Variants in WDR43 observed in about 807,000 individuals in gnomAD.
WDR43 encodes WD repeat domain 43.
Under a neutral mutation model 91.4 loss-of-function variants are expected in WDR43, and 13 were observed. The observed-to-expected ratio is 0.14, with a 90% CI of 0.09 to 0.23. WDR43 has a LOEUF of 0.23. Among genes scored for constraint, WDR43 ranks in the 10% least tolerant of loss-of-function variants. WDR43 has a pLI of 1.00. For missense variants in WDR43, 780 were observed against 809.4 expected (o/e 0.96, Z 0.44); for synonymous variants, 331 against 287.9 (o/e 1.15, Z -1.51).
At chr2:28,931,137 G>A (rs1337902235) in intron 11 of WDR43, among the ~76,000 whole-genome samples, 12 of 150,060 alleles carry the variant, frequency 8.0e-5, no homozygotes, top group Non-Finnish European at 1.2e-4. Flanking sequence ...GTGCAGTGGC[G>A]CAATCTCGGC....
At chr2:28,906,747 A>G (rs1670689391) in intron 3 of WDR43, among the ~76,000 whole-genome samples, 166 bp downstream of exon 3, 1 of 152,236 alleles carries the variant, frequency 6.6e-6, no homozygotes, top group Non-Finnish European at 1.5e-5. Context: ...CATAAAATAC[A>G]TAAAAGCTAA....
chr2:28,942,497 C>G (rs1213856173), intron 16 of WDR43, 116 bp downstream of exon 16: 9 of 1,161,132 alleles, frequency 7.8e-6, no homozygotes, highest in African/African-American at 1.6e-5. Context: ...CAAGCCTTCT[C>G]TAATTAAAAT....
intron 14 of WDR43, among the ~76,000 whole-genome samples, chr2:28,938,628 G>GA (rs1317824504): frequency 1.3e-5 from 2 of 152,016 alleles, no homozygotes; most frequent in East Asian, 1.9e-4. Context: ...GTGGACAGTT[G>GA]AAAAAAATCC....
At chr2:28,929,788 C>A in intron 11 of WDR43, 78 bp downstream of exon 11, 1 of 1,426,050 alleles carries the variant, frequency 7.0e-7, no homozygotes, top group Non-Finnish European at 9.7e-7. Flanking sequence ...ACATTCACAG[C>A]TGTGAGCCAT....
chr2:28,927,808 G>C (rs1671170907), intron 10 of WDR43, 108 bp downstream of exon 10: 2 of 1,392,196 alleles, frequency 1.4e-6, no homozygotes, highest in Non-Finnish European at 2.0e-6. Context: ...GAAATTTACT[G>C]AGATTTCTCC....
At chr2:28,924,552 C>T (rs1323166586) in intron 7 of WDR43, among the ~76,000 whole-genome samples, 1 of 151,962 alleles carries the variant, frequency 6.6e-6, no homozygotes, top group Admixed American at 6.6e-5. Context: ...GAAGAGAGCC[C>T]CTAGAGAAGC....
rs758440618 is a variant in WDR43 at position 28,902,064 on chromosome 2, A to G, written c.303A>G (p.Thr101=). The change falls in exon 2 of 18, where the codon ACA becomes ACG. Residue 101 remains threonine, a synonymous_variant. Transcript: ENST00000407426. ...SNQTDLLALG[T]AVGSILLYST... is the part of the protein sequence containing the mutation. ...AGACTGACTTATTGGCTCTTGGCAC[A>G]GCAGTTGGTAGCATTTTATTATACA... 6 of 1,610,808 alleles carry G rather than the reference A, an allele frequency of 3.7e-6. No individual in the cohort carries two copies. Among genetic ancestry groups the G allele is most frequent in the Non-Finnish European group, 5.1e-6 (6 of 1,178,728 alleles).
intron 13 of WDR43, among the ~76,000 whole-genome samples, chr2:28,937,433 CGTG>C (rs1671355771): frequency 2.0e-5 from 3 of 147,920 alleles, no homozygotes; most frequent in South Asian, 2.2e-4. Context: ...TTTTTTTTCT[CGTG>C]GGGTGCATTA....
rs765525546 is a variant in WDR43 at position 28,929,573 on chromosome 2, C to T, written c.1306-6C>T. The stretch of plus-strand genomic sequence containing the variant: ...TAACACATTAACAATCCTTTCTGTT[C>T]TGTAGGTTAGCATTGAAGAACGTCT... On this transcript the variant is annotated splice_region_variant and splice_polypyrimidine_tract_variant and intron_variant, in intron 10 of 17. Coordinates refer to ENST00000407426, the MANE Select transcript of WDR43 (RefSeq NM_015131.3). The T allele has an allele frequency of 2.2e-5, 36 of 1,602,014 alleles. No individual in the cohort carries two copies. The highest frequency in any genetic ancestry group is 2.7e-5 in the Non-Finnish European group (32 of 1,174,616).
chr2:28,934,611 A>G (rs1411457901), intron 11 of WDR43, among the ~76,000 whole-genome samples: 1 of 152,176 alleles, frequency 6.6e-6, no homozygotes, highest in African/African-American at 2.4e-5. Flanking sequence ...TGCTGATTTT[A>G]AATTAGAAAA....
intron 3 of WDR43, 26 bp from the exon 4 acceptor site, chr2:28,912,564 T>C (rs765667692): frequency 1.4e-5 from 23 of 1,604,202 alleles, no homozygotes; most frequent in Non-Finnish European, 1.7e-6. Flanking sequence ...TGTATTGAGA[T>C]GCTTTTTTTT....
Position 28,930,255 on chromosome 2 carries a change from T to C in WDR43, c.1437+545T>C, listed in dbSNP as rs936360100. 5 of 360,346 alleles carry C rather than the reference T, an allele frequency of 1.4e-5. No individual in the cohort carries two copies. The East Asian group carries it at 3.8e-4, about 27-fold the overall frequency. 22.3% of individuals were successfully genotyped at this position (360,346 alleles called of 1,614,324 possible). A position where few individuals can be genotyped will look rare whatever the true frequency, so the allele number is the denominator to read the frequency against. ...TATAAAGGGAGGCATTTATGATTTC[T>C]GTGTAAGTTGGTGACTGCTTGTATG... On this transcript the variant is annotated intron_variant, in intron 11 of 17. Transcript: ENST00000407426.
At chr2:28,895,643 A>G (rs1670465932) in intron 1 of WDR43, among the ~76,000 whole-genome samples, 1 of 151,810 alleles carries the variant, frequency 6.6e-6, no homozygotes, top group Non-Finnish European at 1.5e-5. Flanking sequence ...AGCTTGATTT[A>G]GTGAATGTTT....
At position 28,906,476 on chromosome 2, in the gene WDR43, A is replaced by G. The variant is rs1381544673; in HGVS notation, c.380A>G (p.Asn127Ser). Residue 127 changes from asparagine to serine, a missense_variant, in exon 3 of 18, where the codon AAC (asparagine) becomes AGC (serine). By Grantham distance (46) the Asn-to-Ser change is conservative (BLOSUM62 1). This residue lies in a region of WDR43 where 174 missense variants were observed against 207.3 expected (regional missense o/e 0.84). Coordinates refer to ENST00000407426, the MANE Select transcript of WDR43 (RefSeq NM_015131.3). ...HSKLISGGHD[N>S]RVNCIQWHQD... ...AATCTACAGAGTGGTGGACATGACAACAGAGTCAACTGCATACAGTGGCAT... is the reference window on the plus strand; with the variant it reads ...AATCTACAGAGTGGTGGACATGACAGCAGAGTCAACTGCATACAGTGGCAT... The G allele has an allele frequency of 3.2e-6, 5 of 1,570,058 alleles. No homozygotes were observed. Among genetic ancestry groups the G allele is most frequent in the East Asian group, 2.3e-5 (1 of 42,616 alleles).
Position 28,927,189 on chromosome 2 carries a change from C to T in WDR43, c.1174-380C>T, listed in dbSNP as rs547378677. 6.2e-5 allele frequency: 32 copies of T among 515,056 alleles called. No homozygotes were observed. In the Middle Eastern group the frequency reaches 1.9e-3, roughly 31 times the overall value. The allele number at this position is 515,056 out of a possible 1,614,324, so 31.9% of individuals were successfully genotyped here. A position where few individuals can be genotyped will look rare whatever the true frequency, so the allele number is the denominator to read the frequency against. ...CTGGAGGTAGTTGTAAAATGTGTAACTTCACTTTTTAAATTTTTAAAAATC... is the reference window on the plus strand; with the variant it reads ...CTGGAGGTAGTTGTAAAATGTGTAATTTCACTTTTTAAATTTTTAAAAATC... On this transcript the variant is annotated intron_variant, in intron 9 of 17. Coordinates refer to ENST00000407426, the MANE Select transcript of WDR43 (RefSeq NM_015131.3).
chr2:28,914,929 A>G (rs1021225735), intron 5 of WDR43, among the ~76,000 whole-genome samples: 2 of 152,204 alleles, frequency 1.3e-5, no homozygotes, highest in African/African-American at 4.8e-5. Context: ...CTCCATCTCA[A>G]AAAATAAAAA....
At chr2:28,917,737 C>T (rs1039466045) in intron 5 of WDR43, among the ~76,000 whole-genome samples, 156 bp from the exon 6 acceptor site, 10 of 152,172 alleles carry the variant, frequency 6.6e-5, no homozygotes, top group African/African-American at 2.4e-4. Context: ...TGGATGCTTC[C>T]GTTGTTTTGA....
intron 5 of WDR43, among the ~76,000 whole-genome samples, chr2:28,915,635 A>C (rs1242625163): frequency 1.3e-5 from 2 of 152,242 alleles, no homozygotes; most frequent in African/African-American, 4.8e-5. Context: ...AAGCTGCCCA[A>C]TGAGCTGTGT....
At chr2:28,944,665 A>T (rs1048851639) in intron 16 of WDR43, among the ~76,000 whole-genome samples, 3 of 152,252 alleles carry the variant, frequency 2.0e-5, no homozygotes, top group African/African-American at 7.2e-5. Flanking sequence ...AAGTTTGATT[A>T]CAAAACCAAG....
Sources: gnomAD v4.1 joint callset for allele counts (sites outside exome capture counted in the v4.1 genomes callset) on GRCh38, gnomAD v4.1.1 for gene constraint, gnomAD v4.1.1 regional missense constraint, MANE v1.5 for transcripts, NCBI Gene and HGNC (gene_info 2026-07-23, HGNC 2026-07-21) for gene names.